XRCC4: variants seen among roughly 807,000 people sequenced by gnomAD.
XRCC4 encodes the protein DNA repair protein XRCC4.
XRCC4 carries 28 observed loss-of-function variants against 39.1 expected under a neutral mutation model. The observed-to-expected ratio is 0.72, with a 90% confidence interval of 0.53 to 0.98. The LOEUF (loss-of-function observed/expected upper bound fraction) is 0.98. Among genes scored for constraint, XRCC4 ranks in the 50% least tolerant of loss-of-function variants. XRCC4 has a pLI of 0.00. For synonymous variants in XRCC4, 123 were observed against 126.4 expected, an observed-to-expected ratio of 0.97 and a Z score of 0.18; for missense variants, 350 against 376.4, an observed-to-expected ratio of 0.93 and a Z score of 0.58.
intron 6 of XRCC4, among the ~76,000 whole-genome samples, chr5:83,233,159 G>T (rs1158259575): frequency 2.0e-5 from 3 of 152,150 alleles, no homozygotes; most frequent in South Asian, 4.1e-4. Context: ...TAGTAATGCG[G>T]TCATCATTTA....
intron 4 of XRCC4, 118 bp from the exon 5 acceptor site, chr5:83,203,434 A>G (rs1263768734): frequency 4.9e-6 from 4 of 816,560 alleles, no homozygotes; most frequent in African/African-American, 3.6e-5. Context: ...CAGTGAAAGC[A>G]TATGTGAAAA....
At chr5:83,361,736 C>G in the XRCC4 span, among the ~76,000 whole-genome samples, 158 of 152,080 alleles carry the variant, frequency 1.0e-3, no homozygotes, top group African/African-American at 3.7e-3. Flanking sequence ...GTTCTCCTGC[C>G]TCAGCCACCC....
At chr5:83,161,302 T>C (rs940675779) in intron 3 of XRCC4, among the ~76,000 whole-genome samples, 1 of 152,086 alleles carries the variant, frequency 6.6e-6, no homozygotes, top group African/African-American at 2.4e-5. Context: ...GTTTTGATTT[T>C]CGTATTTTTA....
chr5:83,374,116 A>C, the XRCC4 span, among the ~76,000 whole-genome samples: 1 of 152,166 alleles, frequency 6.6e-6, no homozygotes, highest in African/African-American at 2.4e-5. Context: ...AGCATCCTGT[A>C]AGAGGACCCA....
intron 7 of XRCC4, among the ~76,000 whole-genome samples, chr5:83,306,222 TAC>T (rs562067287): frequency 1.3e-5 from 2 of 151,930 alleles, no homozygotes; most frequent in Admixed American, 1.3e-4. Flanking sequence ...TATATATATA[TAC>T]ACACACACAA....
At chr5:83,280,481 G>T in intron 7 of XRCC4, 2 of 825,222 alleles carry the variant, frequency 2.4e-6, no homozygotes, top group South Asian at 1.5e-5. Context: ...ATTGAGGTAT[G>T]TAGTAGAAGA....
chr5:83,241,507 G>A (rs896558336), intron 6 of XRCC4, among the ~76,000 whole-genome samples: 10 of 151,842 alleles, frequency 6.6e-5, no homozygotes, highest in African/African-American at 2.4e-4. Context: ...CTCGTTTGAG[G>A]AAAAAAGTCC....
intron 1 of XRCC4, among the ~76,000 whole-genome samples, chr5:83,082,862 C>T (rs1057253623): frequency 6.6e-6 from 1 of 152,130 alleles, no homozygotes; most frequent in African/African-American, 2.4e-5. Context: ...ATCTGGTCTC[C>T]CATTACCTCT....
intron 4 of XRCC4, among the ~76,000 whole-genome samples, chr5:83,198,164 G>T (rs1751030238): frequency 1.3e-5 from 2 of 152,110 alleles, no homozygotes; most frequent in South Asian, 4.1e-4. Context: ...TAGAGTTGGG[G>T]CCATGATGTT....
Position 83,349,433 on chromosome 5 carries a change from G to C in XRCC4, c.894-3698G>C, listed in dbSNP as rs192036130. On this transcript the variant is annotated intron_variant, in intron 7 of 7. Coordinates refer to ENST00000396027, the MANE Select transcript of XRCC4 (RefSeq NM_003401.5). ...AACTTTTTTAAGAGTTGTGGAGAGAGTTCTAAATTTACTCTATTGACTTGC... is the reference window on the plus strand; with the variant it reads ...AACTTTTTTAAGAGTTGTGGAGAGACTTCTAAATTTACTCTATTGACTTGC... Among the ~76,000 whole-genome samples the C allele has an allele frequency of 1.8e-3, 276 of 152,294 alleles. 3 individuals carry two copies. The Middle Eastern group carries it at 0.041, about 23-fold the overall frequency.
chr5:83,137,744 A>AGT (rs1263315702), intron 3 of XRCC4, among the ~76,000 whole-genome samples: 2 of 152,026 alleles, frequency 1.3e-5, no homozygotes, highest in Admixed American at 6.5e-5. Context: ...TTAATTAATT[A>AGT]GTGTGTGTGT....
intron 1 of XRCC4, among the ~76,000 whole-genome samples, chr5:83,083,455 C>T (rs1335162064): frequency 6.7e-6 from 1 of 148,254 alleles, no homozygotes; most frequent in Non-Finnish European, 1.5e-5. Flanking sequence ...CTACTCACTA[C>T]AACCTCTGCC....
At chr5:83,350,268 G>A (rs1339142303) in intron 7 of XRCC4, among the ~76,000 whole-genome samples, 1 of 152,142 alleles carries the variant, frequency 6.6e-6, no homozygotes, top group East Asian at 1.9e-4. Context: ...GGTTTTTTGG[G>A]AGGTATATGC....
chr5:83,352,996 A>C, intron 7 of XRCC4, 135 bp from the exon 8 acceptor site: 1 of 640,886 alleles, frequency 1.6e-6, no homozygotes. Flanking sequence ...AGTTAATAGC[A>C]TAGAGAAATA....
chr5:83,332,790 G>A (rs936924353), intron 7 of XRCC4, among the ~76,000 whole-genome samples: 5 of 152,074 alleles, frequency 3.3e-5, no homozygotes, highest in Non-Finnish European at 5.9e-5. Flanking sequence ...CTCAGCCTTC[G>A]AGGGTAAATA....
rs1757120625 is a variant in XRCC4 at position 83,352,894 on chromosome 5, T to C, written c.894-237T>C. ...TATTTCTTGACCTTGATTATGAGTA[T>C]TGTTATAGGTTCTTGAATTTTCCTT... On this transcript the variant is annotated intron_variant, in intron 7 of 7. Coordinates refer to ENST00000396027, the MANE Select transcript of XRCC4 (RefSeq NM_003401.5). Among the ~76,000 whole-genome samples, 4 of 152,204 alleles carry C rather than the reference T, an allele frequency of 2.6e-5. No homozygotes were observed. The South Asian group carries it at 8.3e-4, about 31-fold the overall frequency.
At chr5:83,330,686 T>A (rs540219267) in intron 7 of XRCC4, among the ~76,000 whole-genome samples, 4 of 152,024 alleles carry the variant, frequency 2.6e-5, no homozygotes, top group Admixed American at 6.6e-5. Context: ...TATACTATTA[T>A]GCCCTATAAC....
At chr5:83,135,242 C>T (rs1282122542) in intron 3 of XRCC4, among the ~76,000 whole-genome samples, 2 of 152,160 alleles carry the variant, frequency 1.3e-5, no homozygotes, top group African/African-American at 4.8e-5. Flanking sequence ...TCACAAGTCC[C>T]AGTGAGATGT....
intron 3 of XRCC4, among the ~76,000 whole-genome samples, chr5:83,116,608 C>CTTTTTTTTT (rs559079642): frequency 9.7e-6 from 1 of 103,196 alleles, no homozygotes; most frequent in Non-Finnish European, 1.9e-5. Flanking sequence ...TTCTCTCTCT[C>CTTTTTTTTT]TTTTTTTTTT....
Sources: allele counts gnomAD v4.1 joint callset (sites outside exome capture counted in the v4.1 genomes callset), GRCh38; gene constraint gnomAD v4.1.1; transcripts MANE v1.5; gene names NCBI Gene and HGNC (gene_info 2026-07-23, HGNC 2026-07-21).